The following UNC5B variants were observed in gnomAD, a reference collection of about 807,000 sequenced individuals.
UNC5B encodes unc-5 netrin receptor B.
In UNC5B, 56 loss-of-function variants were observed where a neutral mutation model predicts 103.7. The ratio of observed to expected loss-of-function variants is 0.54; its 90% CI spans 0.44 to 0.67. The LOEUF is 0.67. UNC5B is among the 30% of genes least tolerant of loss of function. UNC5B has a pLI of 0.00. For missense variants in UNC5B, 1,194 were observed against 1,284.5 expected (o/e 0.93, Z 1.08); for synonymous variants, 577 against 542.0 (o/e 1.06, Z -0.90).
chr10:71,223,047 A>G (rs1490755293), intron 1 of UNC5B, among the ~76,000 whole-genome samples: 2 of 152,068 alleles, frequency 1.3e-5, no homozygotes, highest in African/African-American at 4.8e-5. Context: ...CTGTGGTGGG[A>G]TGGGAGTCTG....
In UNC5B at chr10:71,219,127, GC is replaced by G. The variant is rs1323986172; in HGVS notation, c.79+6064del. Among the ~76,000 whole-genome samples, 3 of 152,068 alleles carry G rather than the reference GC, an allele frequency of 2.0e-5. No individual in the cohort carries two copies. In the East Asian group the frequency reaches 5.8e-4, roughly 29 times the overall value. ...CTCGCCCCACCCTGGTGTGCATGTT[GC>G]TTTACAGTTTACAAAACCCTTTTAT... is the stretch of plus-strand genomic sequence containing the variant. On this transcript the variant is annotated intron_variant, in intron 1 of 16. Coordinates refer to ENST00000335350, the MANE Select transcript of UNC5B (RefSeq NM_170744.5).
At chr10:71,288,856 C>T (rs1845169545) in intron 7 of UNC5B, 102 bp from the exon 8 acceptor site, 3 of 1,566,604 alleles carry the variant, frequency 1.9e-6, no homozygotes, top group Admixed American at 3.4e-5. Flanking sequence ...GCCTCTGTCC[C>T]CCCACCACAT....
Position 71,291,558 on chromosome 10 carries a change from T to C in UNC5B, c.1421T>C (p.Leu474Pro), listed in dbSNP as rs1845259169. The change falls in exon 10 of 17, where the codon CTG becomes CCG. Residue 474 changes from leucine to proline, a missense_variant. Leu to Pro is a moderately conservative substitution (Grantham distance 98). Coordinates refer to ENST00000335350, the MANE Select transcript of UNC5B (RefSeq NM_170744.5). ...ATCCCCATGACCAACTCTCCTCTGC[T>C]GGACCCCTTACCCAGCCTTAAGGTC... ...DKIPMTNSPL[L>P]DPLPSLKVKV... 6.2e-7 allele frequency: 1 copy of C among 1,614,156 alleles called. No individual in the cohort carries two copies. Among genetic ancestry groups the C allele is most frequent in the Non-Finnish European group, 8.5e-7 (1 of 1,180,012 alleles).
intron 1 of UNC5B, among the ~76,000 whole-genome samples, chr10:71,240,058 C>G (rs933556966): frequency 6.6e-6 from 1 of 152,114 alleles, no homozygotes. Context: ...TCCTGCTGAG[C>G]CTTCCTTCCC....
chr10:71,269,061 G>T lies in UNC5B; in HGVS notation c.80-10760G>T, dbSNP rs142255169. On this transcript the variant is annotated intron_variant, in intron 1 of 16. Transcript: ENST00000335350. Reference sequence around the variant, plus strand: ...GGAGACAGAGAGAGATGCCCAGCGTGTTCTGCTTATGATTCAAAAGTCCTC... The same window carrying T: ...GGAGACAGAGAGAGATGCCCAGCGTTTTCTGCTTATGATTCAAAAGTCCTC... Among the ~76,000 whole-genome samples, 54 of 152,288 alleles carry T rather than the reference G, an allele frequency of 3.5e-4. No homozygotes were observed. In the East Asian group the frequency reaches 9.5e-3, roughly 27 times the overall value.
In UNC5B at chr10:71,235,073, TC is replaced by T. The variant is rs201440465; in HGVS notation, c.79+22010del. 3.8e-3 allele frequency among the ~76,000 whole-genome samples: 578 copies of T among 150,182 alleles called. 4 individuals carry two copies. Among genetic ancestry groups the T allele is most frequent in the African/African-American group, 0.014 (560 of 41,328 alleles). On this transcript the variant is annotated intron_variant, in intron 1 of 16. Coordinates refer to ENST00000335350, the MANE Select transcript of UNC5B (RefSeq NM_170744.5). ...CAATGCCGGGCCCCTATTGCAGGAC[TC>T]GCTGCCGCTGCCTCTGACTCTGCCT...
rs1362411235 is a variant in UNC5B, at chr10:71,257,562, T to C, written c.80-22259T>C. On this transcript the variant is annotated intron_variant, in intron 1 of 16. Coordinates refer to ENST00000335350, the MANE Select transcript of UNC5B (RefSeq NM_170744.5). ...ACTGGGTGGTGAGCTTCCTCCTGCA[T>C]GCCAAGCCCACACAGCATCTTCGAG... Among the ~76,000 whole-genome samples, 5 of 152,276 alleles carry C rather than the reference T, an allele frequency of 3.3e-5. No homozygotes were observed. In the East Asian group the frequency reaches 9.7e-4, roughly 29 times the overall value.
intron 1 of UNC5B, among the ~76,000 whole-genome samples, chr10:71,259,382 T>C (rs1160746797): frequency 7.3e-6 from 1 of 136,108 alleles, no homozygotes; most frequent in Non-Finnish European, 1.5e-5. Context: ...CGAGACTCCA[T>C]CTCAAAAAAA....
Position 71,293,535 on chromosome 10 carries a change from T to G in UNC5B, c.1903T>G (p.Phe635Val), listed in dbSNP as rs772500205. 3.1e-6 allele frequency: 5 copies of G among 1,613,846 alleles called. No homozygotes were observed. Among genetic ancestry groups the G allele is most frequent in the Non-Finnish European group, 4.2e-6 (5 of 1,180,026 alleles). Residue 635 changes from phenylalanine (F) to valine (V), a missense_variant, in exon 12 of 17, where the codon TTT becomes GTT. Transcript: ENST00000335350. ...CAEVSARDWIFQLKTQAHQGH... is the reference protein window; with the variant it reads ...CAEVSARDWIVQLKTQAHQGH... ...CGAAGTCAGTGCCCGTGACTGGATC[T>G]TTCAGCTCAAGACCCAGGCCCACCA...
chr10:71,250,148 G>A (rs1344791909), intron 1 of UNC5B, among the ~76,000 whole-genome samples: 2 of 152,218 alleles, frequency 1.3e-5, no homozygotes, highest in Non-Finnish European at 2.9e-5. Flanking sequence ...CCTGCTGAAG[G>A]CCTCTTACCA....
Position 71,293,924 on chromosome 10 carries a change from A to T in UNC5B, c.2166A>T (p.Val722=). 1.3e-6 allele frequency: 2 copies of T among 1,598,814 alleles called. No individual in the cohort carries two copies. Among genetic ancestry groups the T allele is most frequent in the Non-Finnish European group, 8.5e-7 (1 of 1,176,936 alleles). Residue 722 remains valine (V), a synonymous_variant, in exon 13 of 17, where the codon GTA becomes GTT. Coordinates refer to ENST00000335350, the MANE Select transcript of UNC5B (RefSeq NM_170744.5). ...TCTACTGCCTGGAGGACACGCCTGT[A>T]GCACTGAAGGTAGGGCCAGCTGCAG... ...LRVYCLEDTP[V]ALKEVLELER...
chr10:71,220,187 G>A (rs74458269), intron 1 of UNC5B, among the ~76,000 whole-genome samples: 258 of 152,342 alleles, frequency 1.7e-3, no homozygotes, highest in African/African-American at 5.9e-3. Flanking sequence ...AGGCCCTGGA[G>A]GCAAAAGGCC....
At chr10:71,264,805 G>A (rs957688527) in intron 1 of UNC5B, among the ~76,000 whole-genome samples, 4 of 152,058 alleles carry the variant, frequency 2.6e-5, no homozygotes, top group African/African-American at 9.7e-5. Flanking sequence ...CCTGGTGCAG[G>A]CCATGGTTTG....
chr10:71,273,857 A>G (rs919393841), intron 1 of UNC5B, among the ~76,000 whole-genome samples: 1 of 152,220 alleles, frequency 6.6e-6, no homozygotes, highest in Non-Finnish European at 1.5e-5. Flanking sequence ...GGTGCCCTCT[A>G]GACCCTAGCC....
At chr10:71,297,862 G>A in intron 15 of UNC5B, 47 bp from the exon 16 acceptor site, 1 of 1,556,196 alleles carries the variant, frequency 6.4e-7, no homozygotes. Context: ...CTGGAGGGCA[G>A]ATGCCCAGCA....
At chr10:71,266,792 CA>C (rs1311317208) in intron 1 of UNC5B, among the ~76,000 whole-genome samples, 1 of 152,204 alleles carries the variant, frequency 6.6e-6, no homozygotes, top group African/African-American at 2.4e-5. Context: ...TTCAGTTACC[CA>C]TGGCCAACTG....
chr10:71,217,228 G>C (rs1467922888), intron 1 of UNC5B: 2 of 152,700 alleles, frequency 1.3e-5, no homozygotes. Flanking sequence ...AGTGCGTTCT[G>C]TGCTTTTCTG....
At chr10:71,285,068 A>G (rs1010134461) in intron 3 of UNC5B, among the ~76,000 whole-genome samples, 15 of 152,190 alleles carry the variant, frequency 9.9e-5, no homozygotes, top group Non-Finnish European at 1.6e-4. Context: ...ACTTCTGTAT[A>G]AAAGAAGCTG....
At chr10:71,289,184 G>A (rs1845180837) in intron 8 of UNC5B, among the ~76,000 whole-genome samples, 194 bp downstream of exon 8, 1 of 152,200 alleles carries the variant, frequency 6.6e-6, no homozygotes, top group South Asian at 2.1e-4. Flanking sequence ...TTGGCTGACA[G>A]AAAAGAAAGG....
Sources: allele counts gnomAD v4.1 joint callset (sites outside exome capture counted in the v4.1 genomes callset), GRCh38; gene constraint gnomAD v4.1.1; transcripts MANE v1.5; gene names NCBI Gene and HGNC (gene_info 2026-07-23, HGNC 2026-07-21).